Variants in CDH12 observed in about 807,000 individuals in gnomAD.
CDH12 encodes cadherin 12, also known as cadherin-12.
Under a neutral mutation model 74.1 loss-of-function variants are expected in CDH12, and 41 were observed. The ratio of observed to expected loss-of-function variants is 0.55; its 90% CI spans 0.43 to 0.72. CDH12 has a LOEUF of 0.72. CDH12 is among the 30% of genes least tolerant of loss of function. The pLI, the probability that CDH12 is intolerant of heterozygous loss-of-function variation, is 0.00. For synonymous variants in CDH12, 399 were observed against 355.0 expected, an observed-to-expected ratio of 1.12 and a Z score of -1.39; for missense variants, 945 against 977.2, an observed-to-expected ratio of 0.97 and a Z score of 0.44.
At chr5:22,085,175 AT>A (rs34840296) in intron 4 of CDH12, among the ~76,000 whole-genome samples, 42,520 of 149,190 alleles carry the variant, frequency 0.29, 6,463 homozygotes, top group African/African-American at 0.41. Flanking sequence ...AGCAGGAGGG[AT>A]TTTTTTTTTT....
chr5:22,315,971 A>G (rs1738617307), intron 3 of CDH12, among the ~76,000 whole-genome samples: 1 of 152,100 alleles, frequency 6.6e-6, no homozygotes, highest in Admixed American at 6.5e-5. Flanking sequence ...AATAGGAACA[A>G]GATCAGCCAG....
chr5:21,854,174 C>T (rs1309702513), intron 7 of CDH12, among the ~76,000 whole-genome samples: 1 of 151,554 alleles, frequency 6.6e-6, no homozygotes, highest in African/African-American at 2.4e-5. Flanking sequence ...CAAACAAAAT[C>T]AATGATTTTG....
At chr5:22,808,384 C>A (rs1401471624) in intron 1 of CDH12, among the ~76,000 whole-genome samples, 1 of 152,022 alleles carries the variant, frequency 6.6e-6, no homozygotes, top group Non-Finnish European at 1.5e-5. Flanking sequence ...ATGAGTGATA[C>A]CCTTACAGTC....
At chr5:22,050,999 TC>T (rs756953346) in intron 5 of CDH12, among the ~76,000 whole-genome samples, 21 of 152,186 alleles carry the variant, frequency 1.4e-4, no homozygotes, top group Non-Finnish European at 2.6e-4. Flanking sequence ...GATTCCCACA[TC>T]CTATGGAGAC....
chr5:22,598,215 T>G (rs540292282), intron 1 of CDH12, among the ~76,000 whole-genome samples: 1 of 152,284 alleles, frequency 6.6e-6, no homozygotes, highest in South Asian at 2.1e-4. Context: ...ACTTCAGCAT[T>G]CTCCAGTAAA....
chr5:22,711,665 C>T (rs954456048), intron 1 of CDH12, among the ~76,000 whole-genome samples: 2 of 152,140 alleles, frequency 1.3e-5, no homozygotes, highest in African/African-American at 4.8e-5. Flanking sequence ...TTACCATATA[C>T]ATATTCATAG....
chr5:22,463,051 CAA>C (rs1305968375), intron 2 of CDH12, among the ~76,000 whole-genome samples: 1 of 151,992 alleles, frequency 6.6e-6, no homozygotes, highest in Non-Finnish European at 1.5e-5. Flanking sequence ...TAATAAATTA[CAA>C]AAAAGTTAAA....
intron 5 of CDH12, among the ~76,000 whole-genome samples, chr5:22,041,513 A>G (rs1019345838): frequency 3.3e-5 from 5 of 152,162 alleles, no homozygotes; most frequent in Admixed American, 2.6e-4. Flanking sequence ...AAGACATCAC[A>G]GGTAGCTATA....
At chr5:22,579,404 A>G (rs1229120741) in intron 1 of CDH12, among the ~76,000 whole-genome samples, 1 of 152,188 alleles carries the variant, frequency 6.6e-6, no homozygotes, top group Non-Finnish European at 1.5e-5. Flanking sequence ...TATTATTTCT[A>G]TCATTAAATA....
intron 3 of CDH12, among the ~76,000 whole-genome samples, chr5:22,355,070 C>A (rs769409660): frequency 6.6e-6 from 1 of 151,964 alleles, no homozygotes; most frequent in Admixed American, 6.6e-5. Context: ...TGGCCATAAA[C>A]CCATAAAGAG....
chr5:22,612,664 A>C (rs895639717), intron 1 of CDH12, among the ~76,000 whole-genome samples: 1 of 152,092 alleles, frequency 6.6e-6, no homozygotes, highest in Non-Finnish European at 1.5e-5. Context: ...TTTGGTATTT[A>C]AATTGACAGT....
intron 3 of CDH12, among the ~76,000 whole-genome samples, chr5:22,402,584 A>T (rs553657157): frequency 1.3e-5 from 2 of 152,340 alleles, no homozygotes; most frequent in Admixed American, 1.3e-4. Flanking sequence ...AAAATATAAA[A>T]GAAAAGAGAT....
At chr5:22,114,575 C>T (rs373113776) in intron 4 of CDH12, among the ~76,000 whole-genome samples, 6 of 152,216 alleles carry the variant, frequency 3.9e-5, no homozygotes, top group Non-Finnish European at 1.5e-5. Flanking sequence ...TATTTTGTAA[C>T]AACTGTTATC....
intron 3 of CDH12, among the ~76,000 whole-genome samples, chr5:22,319,192 A>T (rs1456068255): frequency 6.6e-6 from 1 of 152,222 alleles, no homozygotes; most frequent in Non-Finnish European, 1.5e-5. Flanking sequence ...GAGAAAGGAT[A>T]AGTAATATAG....
At chr5:22,569,385 C>T (rs1739437874) in intron 1 of CDH12, among the ~76,000 whole-genome samples, 1 of 152,176 alleles carries the variant, frequency 6.6e-6, no homozygotes, top group Admixed American at 6.6e-5. Context: ...CAATTTCTGC[C>T]ATGAGTAAAA....
chr5:22,016,893 T>C (rs922759669), intron 5 of CDH12, among the ~76,000 whole-genome samples: 1 of 152,132 alleles, frequency 6.6e-6, no homozygotes, highest in Non-Finnish European at 1.5e-5. Context: ...ACTGGGGATA[T>C]TGAGACTACA....
At chr5:22,681,523 C>G (rs1287351128) in intron 1 of CDH12, among the ~76,000 whole-genome samples, 3 of 151,944 alleles carry the variant, frequency 2.0e-5, no homozygotes, top group Admixed American at 2.0e-4. Flanking sequence ...CATCGCTTCA[C>G]TTGTAATGAA....
intron 8 of CDH12, among the ~76,000 whole-genome samples, chr5:21,827,265 C>A (rs1471767014): frequency 2.6e-5 from 4 of 152,034 alleles, no homozygotes; most frequent in Non-Finnish European, 4.4e-5. Flanking sequence ...TCAGAAAATT[C>A]AAAATTCTTA....
At chr5:21,764,398 A>T (rs1349221605) in intron 12 of CDH12, among the ~76,000 whole-genome samples, 5 of 151,122 alleles carry the variant, frequency 3.3e-5, no homozygotes, top group East Asian at 1.9e-4. Flanking sequence ...AATACAAATT[A>T]AAAAAAAGAA....
Sources: allele counts gnomAD v4.1 joint callset (sites outside exome capture counted in the v4.1 genomes callset), GRCh38; gene constraint gnomAD v4.1.1; transcripts MANE v1.5; gene names NCBI Gene and HGNC (gene_info 2026-07-23, HGNC 2026-07-21).